The following SORL1 variants were observed in gnomAD, a reference collection of about 807,000 sequenced individuals.
SORL1 encodes the protein sortilin-related receptor.
A neutral mutation model predicts 273.7 loss-of-function variants in SORL1; 127 were observed. That is an observed-to-expected ratio of 0.46 (90% CI 0.40 to 0.54). The LOEUF (loss-of-function observed/expected upper bound fraction) is 0.54, where lower values mean the gene tolerates loss of function less well. SORL1 is among the 20% of genes least tolerant of loss of function. The probability of loss-of-function intolerance (pLI) is 0.00; values close to 1 mark genes in which losing one functional copy is unlikely to be tolerated. For missense variants in SORL1, 2,494 were observed against 2,846.1 expected (o/e 0.88, Z 2.81); for synonymous variants, 1,031 against 1,067.4 (o/e 0.97, Z 0.66).
intron 12 of SORL1, among the ~76,000 whole-genome samples, chr11:121,539,523 G>T (rs1591317593): frequency 6.6e-6 from 1 of 151,920 alleles, no homozygotes; most frequent in Non-Finnish European, 1.5e-5. Flanking sequence ...AATTTATTTT[G>T]TACTGATTTT....
chr11:121,609,278 A>G (rs1307418948), intron 38 of SORL1: 2 of 152,218 alleles, frequency 1.3e-5, no homozygotes, highest in Non-Finnish European at 2.9e-5. Flanking sequence ...GGAGCCTTTG[A>G]GATCAGGGCC....
chr11:121,554,018 C>T lies in SORL1; in HGVS notation c.2348C>T (p.Pro783Leu), dbSNP rs1862541416. Residue 783 changes from proline to leucine, a missense_variant, in exon 17 of 48, where the codon CCT becomes CTT. Physicochemically the swap from Pro to Leu is moderately conservative, Grantham distance 98. This residue lies in a region of SORL1 where 710 missense variants were observed against 882.5 expected (regional missense o/e 0.80). Transcript: ENST00000260197. The surrounding 1 kb of genome is among the most constrained non-coding windows in gnomAD (Gnocchi z 4.6). ...DLASGATEQL[P>L]LTGLRAAVAL... ...GCCTCGGGAGCCACCGAGCAGTTGC[C>T]TCTCACCGGGCTACGGGCAGCAGTG... 6.2e-7 allele frequency: 1 copy of T among 1,614,090 alleles called. No individual in the cohort carries two copies. The highest frequency in any genetic ancestry group is 2.2e-5 in the East Asian group (1 of 44,902).
At chr11:121,570,981 C>T (rs938866888) in intron 23 of SORL1, among the ~76,000 whole-genome samples, 1 of 152,082 alleles carries the variant, frequency 6.6e-6, no homozygotes, top group East Asian at 1.9e-4. Context: ...GATGATTTGC[C>T]CTTTTGTCAG....
chr11:121,582,917 T>C (rs1240580921), intron 25 of SORL1, among the ~76,000 whole-genome samples: 1 of 152,202 alleles, frequency 6.6e-6, no homozygotes, highest in African/African-American at 2.4e-5. Flanking sequence ...TAGGTTTCAC[T>C]GTAAGGATGG....
At chr11:121,622,380 AAAG>A (rs1179193217) in intron 45 of SORL1, 112 bp downstream of exon 45, 72 of 618,802 alleles carry the variant, frequency 1.2e-4, no homozygotes, top group Middle Eastern at 3.1e-4. Flanking sequence ...AAAGAAAGAA[AAAG>A]AATAGGACAT....
intron 6 of SORL1, among the ~76,000 whole-genome samples, chr11:121,506,905 T>C (rs1861795089): frequency 1.3e-5 from 2 of 152,220 alleles, no homozygotes; most frequent in African/African-American, 2.4e-5. Context: ...TTTTTTTGTA[T>C]TAAATACAGA....
intron 32 of SORL1, among the ~76,000 whole-genome samples, chr11:121,601,877 A>G: frequency 6.6e-6 from 1 of 152,152 alleles, no homozygotes; most frequent in East Asian, 1.9e-4. Flanking sequence ...GGGTTTTGGT[A>G]TTTTTCAAAA....
intron 1 of SORL1, among the ~76,000 whole-genome samples, chr11:121,462,438 T>C (rs970000512): frequency 6.6e-6 from 1 of 152,168 alleles, no homozygotes; most frequent in Non-Finnish European, 1.5e-5. Flanking sequence ...AGGTCTTCAG[T>C]GAAGCCTCAC....
chr11:121,607,437 G>T (rs1003000606), intron 37 of SORL1, 147 bp downstream of exon 37: 11 of 496,878 alleles, frequency 2.2e-5, no homozygotes, highest in African/African-American at 2.1e-4. Flanking sequence ...GGACGGGGGA[G>T]CTCAGAGTTT....
Position 121,467,745 on chromosome 11 carries a change from C to T in SORL1, c.286-2262C>T, listed in dbSNP as rs77840763. Among the ~76,000 whole-genome samples, 144 of 152,208 alleles carry T rather than the reference C, an allele frequency of 9.5e-4. 1 individual carries two copies. Among genetic ancestry groups the T allele is most frequent in the East Asian group, 9.5e-3 (49 of 5,182 alleles). ...GAGGAAAAGGGAAGGCTTCAGCGAC[C>T]GGAGGAGATTCCTTTAGCTGCTTTC... On this transcript the variant is annotated intron_variant, in intron 1 of 47. Transcript: ENST00000260197.
chr11:121,591,825 A>G (rs1863220043), intron 31 of SORL1, among the ~76,000 whole-genome samples: 1 of 152,176 alleles, frequency 6.6e-6, no homozygotes, highest in Non-Finnish European at 1.5e-5. Flanking sequence ...TTCTGTGAGC[A>G]TGTTCTTTCC....
At position 121,605,026 on chromosome 11, in the gene SORL1, C is replaced by T; in HGVS notation, c.4652-87C>T. 2.5e-6 allele frequency: 3 copies of T among 1,194,448 alleles called. No homozygotes were observed. In the Admixed American group the frequency reaches 7.2e-5, roughly 28 times the overall value. The allele number at this position is 1,194,448 out of a possible 1,614,324, so 74.0% of individuals were successfully genotyped here. A position where few individuals can be genotyped will look rare whatever the true frequency, so the allele number is the denominator to read the frequency against. ...GCTCAGGCAATTTGCCCGCCTCGGC[C>T]TCCCAAAGTGCTAGGATTACAGGCG... is the stretch of plus-strand genomic sequence containing the variant. On this transcript the variant is annotated intron_variant, in intron 33 of 47. Transcript: ENST00000260197.
intron 11 of SORL1, 142 bp downstream of exon 11, chr11:121,523,131 G>T: frequency 3.1e-6 from 2 of 636,794 alleles, no homozygotes; most frequent in South Asian, 3.7e-5. Flanking sequence ...AGTAAAGAAA[G>T]GTACCTGAAG....
chr11:121,624,357 TCAG>T (rs1184494947), intron 45 of SORL1, among the ~76,000 whole-genome samples: 1 of 152,114 alleles, frequency 6.6e-6, no homozygotes, highest in Non-Finnish European at 1.5e-5. Context: ...TAGTTGGGGA[TCAG>T]CAGAGAAGTC....
At chr11:121,547,417 CAAAAAAA>C (rs67390938) in intron 14 of SORL1, among the ~76,000 whole-genome samples, 6 of 24,024 alleles carry the variant, frequency 2.5e-4, no homozygotes, top group African/African-American at 9.8e-4. Context: ...CAACCCTCAC[CAAAAAAA>C]AAAAAAAAAA....
rs570904187 is a variant in SORL1, at chr11:121,525,106, C to T, written c.1596+2117C>T. Among the ~76,000 whole-genome samples, 3 of 152,310 alleles carry T rather than the reference C, an allele frequency of 2.0e-5. No homozygotes were observed. In the East Asian group the frequency reaches 5.8e-4, roughly 29 times the overall value. On this transcript the variant is annotated intron_variant, in intron 11 of 47. Coordinates refer to ENST00000260197, the MANE Select transcript of SORL1 (RefSeq NM_003105.6). Reference sequence around the variant, plus strand: ...CTCCCCGAGGTATCTTTGTGCCCCTCGGTAATCCATCCCACTCTCCAGTCT... The same window carrying T: ...CTCCCCGAGGTATCTTTGTGCCCCTTGGTAATCCATCCCACTCTCCAGTCT...
At position 121,523,005 on chromosome 11, in the gene SORL1, C is replaced by G. The variant is rs746124531; in HGVS notation, c.1596+16C>G. On this transcript the variant is annotated intron_variant, in intron 11 of 47. Coordinates refer to ENST00000260197, the MANE Select transcript of SORL1 (RefSeq NM_003105.6). ...GTGGCGAGAGGTCAGCCCCCTCCCCCAATCCCGTCCCCTCCACCCTCATTC... is the reference window on the plus strand; with the variant it reads ...GTGGCGAGAGGTCAGCCCCCTCCCCGAATCCCGTCCCCTCCACCCTCATTC... 1.3e-6 allele frequency: 2 copies of G among 1,538,520 alleles called. No homozygotes were observed. Among genetic ancestry groups the G allele is most frequent in the Non-Finnish European group, 9.0e-7 (1 of 1,111,448 alleles).
At position 121,585,502 on chromosome 11, in the gene SORL1, C is replaced by T. The variant is rs949771393; in HGVS notation, c.3707-720C>T. 2.5e-3 allele frequency among the ~76,000 whole-genome samples: 296 copies of T among 120,540 alleles called. 2 individuals are homozygous for T. The highest frequency in any genetic ancestry group is 0.011 in the African/African-American group (279 of 25,724). The allele number at this position is 120,540 out of a possible 152,430, so 79.1% of individuals were successfully genotyped here. On this transcript the variant is annotated intron_variant, in intron 26 of 47. Transcript: ENST00000260197. ...TGCCTTAAAAAAAAAAATGTATATA[C>T]ACACACACACACACACACACACACA...
chr11:121,488,047 G>A lies in SORL1; in HGVS notation c.544G>A (p.Ala182Thr), dbSNP rs749041598. 2.5e-5 allele frequency: 40 copies of A among 1,613,988 alleles called. No individual in the cohort carries two copies. The highest frequency in any genetic ancestry group is 2.9e-5 in the Non-Finnish European group (34 of 1,180,020). Residue 182 changes from alanine to threonine, a missense_variant, in exon 4 of 48, where the codon GCT (alanine) becomes ACT (threonine). Transcript: ENST00000260197. Reference sequence around the variant, plus strand: ...TCCCTTGCAGTACATCTTTGCAGACGCTTATGCCCAGTACCTCTGGATCAC... The same window carrying A: ...TCCCTTGCAGTACATCTTTGCAGACACTTATGCCCAGTACCTCTGGATCAC... Reference protein sequence around the residue: ...ADNKRYIFADAYAQYLWITFD... With the variant: ...ADNKRYIFADTYAQYLWITFD...
Sources: allele counts gnomAD v4.1 joint callset (sites outside exome capture counted in the v4.1 genomes callset), GRCh38; gene constraint gnomAD v4.1.1; regional missense constraint gnomAD v4.1.1; non-coding constraint Gnocchi (gnomAD v3.1); transcripts MANE v1.5; gene names NCBI Gene and HGNC (gene_info 2026-07-23, HGNC 2026-07-21).